DLGAP2: variants seen among roughly 807,000 people sequenced by gnomAD.
The protein encoded by DLGAP2 is disks large-associated protein 2.
In DLGAP2, 26 loss-of-function variants were observed where a neutral mutation model predicts 100.3. The ratio of observed to expected loss-of-function variants is 0.26; its 90% CI spans 0.19 to 0.36. The LOEUF (loss-of-function observed/expected upper bound fraction) is 0.36, where lower values mean the gene tolerates loss of function less well. Among genes scored for constraint, DLGAP2 ranks in the 10% least tolerant of loss-of-function variants. The pLI, the probability that DLGAP2 is intolerant of heterozygous loss-of-function variation, is 1.00. For synonymous variants in DLGAP2, 886 were observed against 630.1 expected (o/e 1.41, Z -6.08); for missense variants, 1,858 against 1,453.2 (o/e 1.28, Z -4.53).
intron 1 of DLGAP2, among the ~76,000 whole-genome samples, chr8:778,166 G>A (rs952459722): frequency 6.6e-6 from 1 of 151,776 alleles, no homozygotes; most frequent in East Asian, 1.9e-4. Flanking sequence ...CATTCTTCAC[G>A]TAGTTCTTGA....
chr8:1,280,400 A>G (rs929763331), intron 3 of DLGAP2, among the ~76,000 whole-genome samples: 1 of 152,232 alleles, frequency 6.6e-6, no homozygotes, highest in African/African-American at 2.4e-5. Flanking sequence ...ATACTTATTT[A>G]TCTCTATTTA....
chr8:821,062 T>A (rs1200343518), intron 1 of DLGAP2, among the ~76,000 whole-genome samples: 5 of 152,234 alleles, frequency 3.3e-5, no homozygotes, highest in Non-Finnish European at 7.3e-5. Flanking sequence ...ACGGTTGATT[T>A]TCAGTTTGTT....
intron 1 of DLGAP2, among the ~76,000 whole-genome samples, chr8:815,945 T>A (rs1046988941): frequency 6.7e-4 from 102 of 152,324 alleles, no homozygotes; most frequent in African/African-American, 2.4e-3. Flanking sequence ...GGACTAGTCC[T>A]TTTTTCAGTG....
At chr8:1,431,204 G>A (rs545203798) in intron 3 of DLGAP2, among the ~76,000 whole-genome samples, 52 of 152,304 alleles carry the variant, frequency 3.4e-4, no homozygotes, top group African/African-American at 1.2e-3. Flanking sequence ...GTTACAGGCC[G>A]TTAGCAAAAG....
At chr8:1,453,720 A>G (rs1345439425) in intron 3 of DLGAP2, among the ~76,000 whole-genome samples, 1 of 152,224 alleles carries the variant, frequency 6.6e-6, no homozygotes, top group Non-Finnish European at 1.5e-5. Flanking sequence ...AACTCTTCTC[A>G]CGAGAGTATG....
At chr8:1,478,611 A>T (rs1190389015) in intron 3 of DLGAP2, among the ~76,000 whole-genome samples, 2 of 151,886 alleles carry the variant, frequency 1.3e-5, no homozygotes, top group Non-Finnish European at 2.9e-5. Flanking sequence ...GATGGCAGCC[A>T]CCCCCACCCC....
At chr8:1,275,827 A>AATAAATATATAATAT (rs1799673496) in intron 3 of DLGAP2, among the ~76,000 whole-genome samples, 3 of 44,604 alleles carry the variant, frequency 6.7e-5, no homozygotes, top group Admixed American at 2.5e-4. Flanking sequence ...AATATATAAA[A>AATAAATATATAATAT]ATAAATATAT....
At chr8:1,697,439 T>C (rs1484703203) in intron 14 of DLGAP2, 140 bp downstream of exon 14, 3 of 1,237,666 alleles carry the variant, frequency 2.4e-6, no homozygotes, top group African/African-American at 1.5e-5. Flanking sequence ...TATGTATGTG[T>C]GCACATGTGT....
intron 7 of DLGAP2, among the ~76,000 whole-genome samples, chr8:1,628,519 C>G (rs1400462536): frequency 1.3e-5 from 2 of 148,556 alleles, no homozygotes; most frequent in Non-Finnish European, 3.0e-5. Flanking sequence ...GAATTAAGAG[C>G]CTGAGCTGAC....
At chr8:1,172,573 T>G in intron 2 of DLGAP2, among the ~76,000 whole-genome samples, 1 of 152,068 alleles carries the variant, frequency 6.6e-6, no homozygotes, top group South Asian at 2.1e-4. Flanking sequence ...CTTGGAGGCT[T>G]TGTTCGTTTC....
intron 3 of DLGAP2, among the ~76,000 whole-genome samples, chr8:1,467,536 A>C (rs1798660759): frequency 6.6e-6 from 1 of 152,080 alleles, no homozygotes; most frequent in African/African-American, 2.4e-5. Context: ...AGCCCAGCAC[A>C]AGCTGGCGTT....
At chr8:1,497,443 C>T (rs1467969656) in intron 3 of DLGAP2, among the ~76,000 whole-genome samples, 1 of 152,186 alleles carries the variant, frequency 6.6e-6, no homozygotes, top group Admixed American at 6.5e-5. Context: ...ATGACAGCAG[C>T]CAACGTTGGC....
rs140106094 is a variant in DLGAP2, at chr8:983,557, C to G, written c.73+75591C>G. Among the ~76,000 whole-genome samples, 81 of 152,344 alleles carry G rather than the reference C, an allele frequency of 5.3e-4. 1 individual carries two copies. Among genetic ancestry groups the G allele is most frequent in the African/African-American group, 1.9e-3 (77 of 41,592 alleles). ...CATCGTACATACCCTGGATATGTCA[C>G]GTAACTTCCCTGAGACTCAGTTTAC... is the stretch of plus-strand genomic sequence containing the variant. On this transcript the variant is annotated intron_variant, in intron 2 of 14. Transcript: ENST00000637795.
rs1332256234 is a variant in DLGAP2 at position 1,683,854 on chromosome 8, ATATGTGTGTGTGTGTGTGTGTGTGTG to A, written c.2704+5227_2704+5252del. On this transcript the variant is annotated intron_variant, in intron 12 of 14. Transcript: ENST00000637795. ...CTCCACTATATATATATATATATATATATGTGTGTGTGTGTGTGTGTGTGTGTGTGTGTGTGTGTGTGTATACACAT... is the reference window on the plus strand; with the variant it reads ...CTCCACTATATATATATATATATATATGTGTGTGTGTGTGTGTATACACAT... 1.8e-4 allele frequency among the ~76,000 whole-genome samples: 13 copies of A among 72,980 alleles called. 1 individual carries two copies. The highest frequency in any genetic ancestry group is 3.0e-4 in the Non-Finnish European group (13 of 43,594). The allele number at this position is 72,980 out of a possible 152,430, so 47.9% of individuals were successfully genotyped here.
chr8:1,414,674 A>G (rs1352432683), intron 3 of DLGAP2, among the ~76,000 whole-genome samples: 3 of 130,224 alleles, frequency 2.3e-5, no homozygotes, highest in Non-Finnish European at 4.8e-5. Flanking sequence ...CTCTGCCCTC[A>G]GCGTGTCTTG....
intron 2 of DLGAP2, among the ~76,000 whole-genome samples, chr8:1,214,031 C>G (rs369447998): frequency 7.2e-5 from 11 of 152,118 alleles, no homozygotes; most frequent in African/African-American, 2.4e-4. Flanking sequence ...TCTGTGCCTC[C>G]CTTGTCCACA....
At chr8:1,082,603 G>A (rs925866946) in intron 2 of DLGAP2, among the ~76,000 whole-genome samples, 2 of 152,224 alleles carry the variant, frequency 1.3e-5, no homozygotes, top group Non-Finnish European at 2.9e-5. Flanking sequence ...GTGGCTCCAC[G>A]CTGTGTCAAT....
intron 4 of DLGAP2, among the ~76,000 whole-genome samples, chr8:1,505,858 G>A (rs1486090355): frequency 6.6e-6 from 1 of 152,152 alleles, no homozygotes; most frequent in African/African-American, 2.4e-5. Flanking sequence ...GCTGTAAAGA[G>A]TTGGTGATTT....
intron 2 of DLGAP2, among the ~76,000 whole-genome samples, chr8:1,086,978 A>T (rs1300196019): frequency 6.6e-6 from 1 of 152,240 alleles, no homozygotes; most frequent in East Asian, 1.9e-4. Context: ...CACGTGGAAC[A>T]TTCCTCAGGG....
Sources: gnomAD v4.1 joint callset for allele counts (sites outside exome capture counted in the v4.1 genomes callset) on GRCh38, gnomAD v4.1.1 for gene constraint, MANE v1.5 for transcripts, NCBI Gene and HGNC (gene_info 2026-07-23, HGNC 2026-07-21) for gene names.